PALLD: variants seen among roughly 807,000 people sequenced by gnomAD.
PALLD encodes the protein palladin, cytoskeletal associated protein, also known as palladin.
A neutral mutation model predicts 123.5 loss-of-function variants in PALLD; 61 were observed. That is an observed-to-expected ratio of 0.49 (90% CI 0.40 to 0.61). The LOEUF (loss-of-function observed/expected upper bound fraction) is 0.61, where lower values mean the gene tolerates loss of function less well. PALLD is among the 20% of genes least tolerant of loss of function. The pLI is 0.00. For synonymous variants in PALLD, 465 were observed against 496.4 expected (o/e 0.94, Z 0.84); for missense variants, 1,273 against 1,377.0 (o/e 0.92, Z 1.20).
At chr4:168,704,824 G>A (rs1336423165) in intron 8 of PALLD, among the ~76,000 whole-genome samples, 1 of 152,004 alleles carries the variant, frequency 6.6e-6, no homozygotes, top group Non-Finnish European at 1.5e-5. Context: ...AATAGGAGGG[G>A]TTGCAAAGCT....
At chr4:168,879,107 A>C (rs908309949) in intron 10 of PALLD, among the ~76,000 whole-genome samples, 2 of 152,204 alleles carry the variant, frequency 1.3e-5, no homozygotes, top group African/African-American at 2.4e-5. Flanking sequence ...TTATGATGCC[A>C]GTTTTGTCCC....
chr4:168,608,993 A>G (rs1323576489), intron 2 of PALLD, among the ~76,000 whole-genome samples: 1 of 151,766 alleles, frequency 6.6e-6, no homozygotes, highest in East Asian at 1.9e-4. Context: ...TCCTTCCTGT[A>G]TCCTGCTGAG....
intron 10 of PALLD, chr4:168,831,896 G>A (rs1223002182): frequency 3.4e-6 from 2 of 592,884 alleles, no homozygotes; most frequent in South Asian, 7.3e-5. Context: ...AGATGCAAAG[G>A]GCGGGACAAG....
intron 2 of PALLD, among the ~76,000 whole-genome samples, chr4:168,560,634 C>T (rs1378931340): frequency 2.0e-5 from 3 of 152,158 alleles, no homozygotes; most frequent in Non-Finnish European, 2.9e-5. Flanking sequence ...CCCATAGTAC[C>T]GGTTTCTGTA....
chr4:168,566,441 G>T (rs534688731), intron 2 of PALLD, among the ~76,000 whole-genome samples: 4 of 152,178 alleles, frequency 2.6e-5, no homozygotes, highest in Admixed American at 1.3e-4. Context: ...GGAGCTACAG[G>T]CATGAGCCAC....
chr4:168,755,822 G>T, intron 10 of PALLD: 1 of 177,646 alleles, frequency 5.6e-6, no homozygotes, highest in Admixed American at 6.4e-5. Context: ...AAGAATGAAG[G>T]CTGTTCTCAG....
chr4:168,926,329 G>C lies in PALLD; in HGVS notation c.*149G>C. On this transcript the variant is annotated 3_prime_UTR_variant, in exon 22 of 22. Transcript: ENST00000505667. ...CATCAAAGCAGCGTTCCAACCTGAG[G>C]CCAACCCATCTCACCTGACACTGAA... 6.5e-7 allele frequency: 1 copy of C among 1,537,316 alleles called. No individual in the cohort carries two copies. The highest frequency in any genetic ancestry group is 8.7e-7 in the Non-Finnish European group (1 of 1,146,836).
At chr4:168,738,014 A>G (rs1247940968) in intron 10 of PALLD, among the ~76,000 whole-genome samples, 2 of 152,240 alleles carry the variant, frequency 1.3e-5, no homozygotes, top group African/African-American at 4.8e-5. Flanking sequence ...ATGAATTCCA[A>G]GCATGGAAGG....
chr4:168,535,687 T>TGAA (rs1765024413), intron 2 of PALLD, among the ~76,000 whole-genome samples: 1 of 152,200 alleles, frequency 6.6e-6, no homozygotes, highest in Non-Finnish European at 1.5e-5. Flanking sequence ...CTTGCAATAC[T>TGAA]GAAGCCACCA....
intron 10 of PALLD, among the ~76,000 whole-genome samples, chr4:168,809,945 T>C (rs1242554549): frequency 6.6e-6 from 1 of 150,896 alleles, no homozygotes; most frequent in African/African-American, 2.4e-5. Context: ...CAGGGAAGTG[T>C]TAATAGAAGG....
At chr4:168,676,646 C>A (rs568658711) in intron 3 of PALLD, among the ~76,000 whole-genome samples, 3 of 151,346 alleles carry the variant, frequency 2.0e-5, no homozygotes, top group African/African-American at 7.3e-5. Context: ...AGTGTGGTGG[C>A]GTGATCTCGG....
At chr4:168,506,211 C>A (rs958211615) in intron 1 of PALLD, 16 of 152,366 alleles carry the variant, frequency 1.1e-4, no homozygotes, top group Admixed American at 9.8e-4. Flanking sequence ...CAGGCCCTCA[C>A]CTCTACCCAT....
At chr4:168,564,571 G>A (rs1455691013) in intron 2 of PALLD, among the ~76,000 whole-genome samples, 2 of 152,128 alleles carry the variant, frequency 1.3e-5, no homozygotes, top group Admixed American at 6.5e-5. Context: ...TGGTCGAGGA[G>A]GGATTATATA....
At chr4:168,717,677 T>C (rs920265183) in intron 10 of PALLD, among the ~76,000 whole-genome samples, 5 of 152,114 alleles carry the variant, frequency 3.3e-5, no homozygotes, top group African/African-American at 1.2e-4. Context: ...AGATATACCA[T>C]AGGACTTCTA....
In PALLD at chr4:168,531,637, T is replaced by C. The variant is rs148825523; in HGVS notation, c.908+19225T>C. ...ACCAAAAAAGTTAGGCCATGCATGCTTAAGGAATACTCAGTGAAAAATCAT... is the reference window on the plus strand; with the variant it reads ...ACCAAAAAAGTTAGGCCATGCATGCCTAAGGAATACTCAGTGAAAAATCAT... On this transcript the variant is annotated intron_variant, in intron 2 of 21. Transcript: ENST00000505667. 7.8e-3 allele frequency among the ~76,000 whole-genome samples: 1,186 copies of C among 152,304 alleles called. 8 individuals carry two copies. Among genetic ancestry groups the C allele is most frequent in the Non-Finnish European group, 0.013 (886 of 68,022 alleles).
chr4:168,600,624 G>A (rs1772551143), intron 2 of PALLD, among the ~76,000 whole-genome samples: 1 of 152,042 alleles, frequency 6.6e-6, no homozygotes, highest in African/African-American at 2.4e-5. Flanking sequence ...CATGAACCCA[G>A]AATTTCTCAG....
intron 8 of PALLD, among the ~76,000 whole-genome samples, chr4:168,699,358 C>T (rs375170747): frequency 3.9e-5 from 6 of 152,128 alleles, no homozygotes; most frequent in South Asian, 2.1e-4. Flanking sequence ...GGATTACAGG[C>T]GTGAGTTACT....
intron 2 of PALLD, among the ~76,000 whole-genome samples, chr4:168,575,936 G>T (rs1179415791): frequency 6.6e-6 from 1 of 152,056 alleles, no homozygotes; most frequent in Admixed American, 6.6e-5. Flanking sequence ...CTTCAGGGAA[G>T]TAGGGGCAGA....
intron 10 of PALLD, among the ~76,000 whole-genome samples, chr4:168,883,981 A>C (rs2151155682): frequency 6.7e-6 from 1 of 148,266 alleles, no homozygotes; most frequent in South Asian, 2.1e-4. Context: ...CTTTGTCACC[A>C]CTCTTTTTAT....
Sources: gnomAD v4.1 joint callset for allele counts (sites outside exome capture counted in the v4.1 genomes callset) on GRCh38, gnomAD v4.1.1 for gene constraint, MANE v1.5 for transcripts, NCBI Gene and HGNC (gene_info 2026-07-23, HGNC 2026-07-21) for gene names.